The following ABAT variants were observed in gnomAD, a reference collection of about 807,000 sequenced individuals.
The protein encoded by ABAT is 4-aminobutyrate aminotransferase, mitochondrial.
In ABAT, 45 loss-of-function variants were observed where a neutral mutation model predicts 64.6. The observed-to-expected ratio is 0.70, with a 90% CI of 0.55 to 0.89. The LOEUF (loss-of-function observed/expected upper bound fraction) is 0.89, where lower values mean the gene tolerates loss of function less well. ABAT is among the 40% of genes least tolerant of loss of function. The pLI, the probability that ABAT is intolerant of heterozygous loss-of-function variation, is 0.00. For missense variants in ABAT, 633 were observed against 658.4 expected (o/e 0.96, Z 0.42); for synonymous variants, 297 against 250.5 (o/e 1.19, Z -1.75).
At position 8,764,078 on chromosome 16, in the gene ABAT, G is replaced by A. The variant is rs762397844; in HGVS notation, c.376G>A (p.Val126Ile). 8.7e-6 allele frequency: 14 copies of A among 1,613,738 alleles called. No homozygotes were observed. ...IQQPQNASMFVNRPALGILPP... is the reference protein window; with the variant it reads ...IQQPQNASMFINRPALGILPP... ...TCTTGCCCTTTTGCAGAGCATGTTT[G>A]TCAACAGACCCGCCCTCGGAATCCT... is the stretch of plus-strand genomic sequence containing the variant. The change falls in exon 7 of 16, where the codon GTC becomes ATC. Residue 126 changes from valine to isoleucine, a missense_variant. Transcript: ENST00000268251. This position sits in a 1 kb window ranked among gnomAD's most constrained non-coding sequence, Gnocchi z 4.2.
intron 1 of ABAT, among the ~76,000 whole-genome samples, chr16:8,687,671 G>T (rs1403605540): frequency 6.6e-6 from 1 of 152,164 alleles, no homozygotes; most frequent in Non-Finnish European, 1.5e-5. Flanking sequence ...CCCCTGAAAG[G>T]CCTGTGGTGG....
chr16:8,675,386 C>G (rs1255934469), intron 1 of ABAT, among the ~76,000 whole-genome samples: 2 of 152,014 alleles, frequency 1.3e-5, no homozygotes, highest in African/African-American at 4.8e-5. Context: ...AATGAGGGAC[C>G]TTCATACTCA....
Position 8,750,460 on chromosome 16 carries a change from G to C in ABAT, c.237G>C (p.Glu79Asp), listed in dbSNP as rs2059447302. The change falls in exon 5 of 16, where the codon GAG becomes GAC. Residue 79 changes from glutamate (E) to aspartate (D), a missense_variant. Transcript: ENST00000268251. ...EAVHFFCNYE[E>D]SRGNYLVDVD... ...TGCATTTTTTCTGCAATTACGAAGA[G>C]AGCCGAGGCAATTACCTGGTTGATG... 12 of 1,614,206 alleles carry C rather than the reference G, an allele frequency of 7.4e-6. No homozygotes were observed. The highest frequency in any genetic ancestry group is 1.0e-5 in the Non-Finnish European group (12 of 1,180,032).
intron 1 of ABAT, among the ~76,000 whole-genome samples, chr16:8,710,710 G>GAC (rs1457649147): frequency 4.1e-5 from 6 of 144,838 alleles, no homozygotes; most frequent in Non-Finnish European, 6.1e-5. Flanking sequence ...GAGAGAGAGA[G>GAC]AGAGAGAGAG....
At chr16:8,712,676 T>C (rs2058103311) in intron 1 of ABAT, among the ~76,000 whole-genome samples, 1 of 152,158 alleles carries the variant, frequency 6.6e-6, no homozygotes, top group Admixed American at 6.5e-5. Context: ...GGGGCTGACG[T>C]TTCTCCCTCT....
intron 1 of ABAT, among the ~76,000 whole-genome samples, chr16:8,708,125 A>G (rs2057989344): frequency 6.6e-6 from 1 of 152,036 alleles, no homozygotes; most frequent in South Asian, 2.1e-4. Flanking sequence ...GGAAGCCTGA[A>G]CTTGATCATT....
intron 2 of ABAT, among the ~76,000 whole-genome samples, chr16:8,744,692 A>G (rs1345852754): frequency 4.0e-5 from 6 of 151,402 alleles, no homozygotes; most frequent in Non-Finnish European, 8.8e-5. Context: ...AAACAACCAG[A>G]CCTCAGCCAG....
intron 2 of ABAT, chr16:8,737,103 A>G (rs2058964963): frequency 6.6e-6 from 1 of 152,284 alleles, no homozygotes; most frequent in African/African-American, 2.4e-5. Flanking sequence ...TGCATGTTGA[A>G]TGCTGGTGTG....
intron 1 of ABAT, among the ~76,000 whole-genome samples, chr16:8,726,403 G>A (rs2058557740): frequency 1.3e-5 from 2 of 151,902 alleles, no homozygotes; most frequent in Non-Finnish European, 2.9e-5. Context: ...TGGGACTACA[G>A]GCATGGGTCA....
rs1123891 is a variant in ABAT, at chr16:8,688,274, G to T, written c.-42+13563G>T. ...ATCTCATTTTTAACCTCTTAGTAAG[G>T]TGGGAAAGGTCTTCTTCTTTTAAGC... is the stretch of plus-strand genomic sequence containing the variant. On this transcript the variant is annotated intron_variant, in intron 1 of 15. Coordinates refer to ENST00000268251, the MANE Select transcript of ABAT (RefSeq NM_020686.6). 6.8e-3 allele frequency among the ~76,000 whole-genome samples: 1,031 copies of T among 152,264 alleles called. 12 individuals are homozygous for T. The highest frequency in any genetic ancestry group is 0.022 in the African/African-American group (928 of 41,564).
intron 1 of ABAT, among the ~76,000 whole-genome samples, chr16:8,691,124 T>A (rs1207829244): frequency 6.6e-6 from 1 of 152,210 alleles, no homozygotes; most frequent in East Asian, 1.9e-4. Flanking sequence ...TTGCCCATAT[T>A]GGCACATAGC....
At chr16:8,729,660 A>C (rs537419944) in intron 1 of ABAT, among the ~76,000 whole-genome samples, 1 of 152,098 alleles carries the variant, frequency 6.6e-6, no homozygotes, top group East Asian at 1.9e-4. Flanking sequence ...TCTCTAAAAA[A>C]TATATATATT....
chr16:8,748,143 T>TGAG lies in ABAT; in HGVS notation c.198+14_198+16dup. The stretch of plus-strand genomic sequence containing the variant: ...AACAGCTGAATATAATTCAGGTAAG[T>TGAG]GAGGAGGAGGTAACTTTCCTTCTGT... On this transcript the variant is annotated splice_region_variant and intron_variant, in intron 4 of 15. Transcript: ENST00000268251. The TGAG allele has an allele frequency of 6.2e-7, 1 of 1,613,142 alleles. No homozygotes were observed. Among genetic ancestry groups the TGAG allele is most frequent in the Non-Finnish European group, 8.5e-7 (1 of 1,179,232 alleles).
chr16:8,725,056 A>G (rs2058504822), intron 1 of ABAT, among the ~76,000 whole-genome samples: 1 of 151,698 alleles, frequency 6.6e-6, no homozygotes, highest in Non-Finnish European at 1.5e-5. Context: ...AGCTGGGATT[A>G]CAGGCGCCTG....
intron 1 of ABAT, among the ~76,000 whole-genome samples, chr16:8,679,929 A>G (rs566177039): frequency 3.6e-4 from 55 of 152,178 alleles, no homozygotes; most frequent in African/African-American, 1.3e-3. Flanking sequence ...GACACTCCAC[A>G]CATTAAACTG....
chr16:8,747,984 T>A, intron 3 of ABAT, 124 bp from the exon 4 acceptor site: 1 of 852,958 alleles, frequency 1.2e-6, no homozygotes, highest in Non-Finnish European at 1.9e-6. Context: ...TATGGTTGAC[T>A]AATAAAATAT....
At chr16:8,751,509 A>C (rs1051223641) in intron 5 of ABAT, among the ~76,000 whole-genome samples, 47 of 152,278 alleles carry the variant, frequency 3.1e-4, no homozygotes, top group African/African-American at 9.9e-4. Context: ...AGCTAGAACT[A>C]TCCACAGCCT....
Position 8,781,353 on chromosome 16 carries a change from C to A in ABAT, c.1426C>A (p.Pro476Thr). 6.2e-7 allele frequency: 1 copy of A among 1,614,132 alleles called. No individual in the cohort carries two copies. Among genetic ancestry groups the A allele is most frequent in the South Asian group, 1.1e-5 (1 of 91,082 alleles). The change falls in exon 16 of 16, where the codon CCC (proline) becomes ACC (threonine). Residue 476 changes from proline (P) to threonine (T), a missense_variant. Pro to Thr is a conservative substitution (Grantham distance 38). Transcript: ENST00000268251. This position sits in a 1 kb window ranked among gnomAD's most constrained non-coding sequence, Gnocchi z 4.5. The part of the protein sequence containing the change: ...GCGDKSIRFR[P>T]TLVFRDHHAH... ...TGGTGACAAATCCATTCGTTTCCGT[C>A]CCACGCTGGTCTTCAGGGATCACCA...
Position 8,781,802 on chromosome 16 carries a change from C to T in ABAT, c.*372C>T. ...TTTGTTCCTGGGACTGGCAGCTGGG[C>T]CTCCTGGGTGCCAGTCCATCTCAAG... On this transcript the variant is annotated 3_prime_UTR_variant, in exon 16 of 16. Transcript: ENST00000268251. The surrounding 1 kb of genome is among the most constrained non-coding windows in gnomAD (Gnocchi z 4.5). The T allele has an allele frequency of 5.5e-6, 2 of 361,820 alleles. No individual in the cohort carries two copies. Among genetic ancestry groups the T allele is most frequent in the Non-Finnish European group, 1.1e-5 (2 of 186,856 alleles). The allele number at this position is 361,820 out of a possible 1,614,324, so 22.4% of individuals were successfully genotyped here.
Sources: gnomAD v4.1 joint callset for allele counts (sites outside exome capture counted in the v4.1 genomes callset) on GRCh38, gnomAD v4.1.1 for gene constraint, Gnocchi (gnomAD v3.1) non-coding constraint, MANE v1.5 for transcripts, NCBI Gene and HGNC (gene_info 2026-07-23, HGNC 2026-07-21) for gene names.